RGS6: variants seen among roughly 807,000 people sequenced by gnomAD.
RGS6 encodes regulator of G-protein signaling 6.
In RGS6, 30 loss-of-function variants were observed where a neutral mutation model predicts 78.5. The ratio of observed to expected loss-of-function variants is 0.38; its 90% CI spans 0.29 to 0.52. The LOEUF (loss-of-function observed/expected upper bound fraction) is 0.52. Among genes scored for constraint, RGS6 ranks in the 20% least tolerant of loss-of-function variants. The pLI is 0.85. For missense variants in RGS6, 495 were observed against 609.7 expected (o/e 0.81, Z 1.98); for synonymous variants, 206 against 206.0 (o/e 1.00, Z 0.00).
the RGS6 span, among the ~76,000 whole-genome samples, chr14:71,875,413 T>C: frequency 6.6e-6 from 1 of 152,220 alleles, no homozygotes; most frequent in African/African-American, 2.4e-5. Context: ...TTCTTCTAGA[T>C]TTTCTAGTTT....
chr14:71,992,022 C>T (rs1276741569), intron 2 of RGS6, among the ~76,000 whole-genome samples: 1 of 141,004 alleles, frequency 7.1e-6, no homozygotes, highest in Non-Finnish European at 1.5e-5. Flanking sequence ...TCTAGAATAT[C>T]TTTTTTTTTT....
intron 3 of RGS6, among the ~76,000 whole-genome samples, chr14:72,388,906 G>T (rs936761487): frequency 6.6e-6 from 1 of 152,182 alleles, no homozygotes; most frequent in African/African-American, 2.4e-5. Context: ...ATTTGAAAGC[G>T]TGTCTGCCCC....
intron 17 of RGS6, among the ~76,000 whole-genome samples, chr14:72,558,393 C>A (rs915508539): frequency 1.3e-5 from 2 of 152,282 alleles, no homozygotes. Flanking sequence ...TGAGCCACAG[C>A]CCTCCTCCCA....
chr14:72,431,873 G>C (rs2094661336), intron 3 of RGS6, among the ~76,000 whole-genome samples: 1 of 152,022 alleles, frequency 6.6e-6, no homozygotes, highest in Non-Finnish European at 1.5e-5. Context: ...ATATCTTTTT[G>C]CCTTTTTTCC....
chr14:72,257,549 T>C (rs922037936), intron 2 of RGS6, among the ~76,000 whole-genome samples: 26 of 152,282 alleles, frequency 1.7e-4, no homozygotes, highest in African/African-American at 5.8e-4. Context: ...GGTACAATGT[T>C]CACTATTTAT....
intron 13 of RGS6, among the ~76,000 whole-genome samples, chr14:72,497,569 T>G (rs2096661759): frequency 6.6e-6 from 1 of 152,188 alleles, no homozygotes; most frequent in South Asian, 2.1e-4. Context: ...TTAAATGTTT[T>G]AATTAAAAAC....
chr14:72,147,420 G>T (rs1261961404), intron 2 of RGS6, among the ~76,000 whole-genome samples: 2 of 152,202 alleles, frequency 1.3e-5, no homozygotes, highest in African/African-American at 4.8e-5. Context: ...ATGATCCTGT[G>T]GCAGAAGGCA....
Position 72,545,906 on chromosome 14 carries a change from C to T in RGS6, c.1422+5812C>T, listed in dbSNP as rs578198871. Among the ~76,000 whole-genome samples, 7 of 137,032 alleles carry T rather than the reference C, an allele frequency of 5.1e-5. No homozygotes were observed. In the South Asian group the frequency reaches 8.9e-4, roughly 17 times the overall value. The allele number at this position is 137,032 out of a possible 152,430, so 89.9% of individuals were successfully genotyped here. On this transcript the variant is annotated intron_variant, in intron 17 of 17. Coordinates refer to ENST00000553525, the MANE Select transcript of RGS6 (RefSeq NM_001204424.2). ...TCCCCACCCTTCCGGTCTGGATGCC[C>T]AGCTGTGTGTGTGTGTGTCAGGTGG... is the stretch of plus-strand genomic sequence containing the variant.
chr14:72,203,289 T>C (rs769800901), intron 2 of RGS6, among the ~76,000 whole-genome samples: 1 of 152,228 alleles, frequency 6.6e-6, no homozygotes, highest in Non-Finnish European at 1.5e-5. Flanking sequence ...AATTCATAAA[T>C]TAATAGATGA....
intron 14 of RGS6, among the ~76,000 whole-genome samples, chr14:72,515,271 C>T (rs2096926948): frequency 6.6e-6 from 1 of 151,868 alleles, no homozygotes; most frequent in Non-Finnish European, 1.5e-5. Flanking sequence ...CCTCCCCTTC[C>T]TCTTCCTCCA....
At chr14:72,552,875 A>G (rs1269283974) in intron 17 of RGS6, 1 of 152,074 alleles carries the variant, frequency 6.6e-6, no homozygotes, top group African/African-American at 2.4e-5. Context: ...CCATTTTTAT[A>G]TATGTATTTT....
At position 72,495,160 on chromosome 14, in the gene RGS6, C is replaced by A; in HGVS notation, c.863C>A (p.Ala288Asp). Reference sequence around the variant, plus strand: ...CTGCCTCCCTCCTGCAGTTTAATTGCCTACACGGAACAATATGTGGAATAT... The same window carrying A: ...CTGCCTCCCTCCTGCAGTTTAATTGACTACACGGAACAATATGTGGAATAT... ...KMSKVAESLI[A>D]YTEQYVEYDP... The change falls in exon 13 of 18, where the codon GCC (alanine) becomes GAC (aspartate). Residue 288 changes from alanine (A) to aspartate (D), a missense_variant. Coordinates refer to ENST00000553525, the MANE Select transcript of RGS6 (RefSeq NM_001204424.2). The A allele has an allele frequency of 1.2e-6, 2 of 1,607,702 alleles. No individual in the cohort carries two copies. The highest frequency in any genetic ancestry group is 1.7e-6 in the Non-Finnish European group (2 of 1,174,242).
intron 2 of RGS6, among the ~76,000 whole-genome samples, chr14:72,150,380 G>C (rs988906862): frequency 1.9e-4 from 29 of 152,080 alleles, no homozygotes; most frequent in Non-Finnish European, 8.8e-5. Flanking sequence ...CTAAAACTCA[G>C]AGAGAATAAA....
the RGS6 span, chr14:72,612,441 TC>T: frequency 5.8e-6 from 3 of 517,188 alleles, no homozygotes; most frequent in Non-Finnish European, 1.2e-5. Flanking sequence ...TTTTTTTTTT[TC>T]TAGTACCTAA....
In RGS6 at chr14:72,185,781, A is replaced by G. The variant is rs1033672593; in HGVS notation, c.85-166314A>G. ...CAACATGGGGAGACCCCATCTCTACAAAAAATGTAAAAAGCCAGGTGTGGT... is the reference window on the plus strand; with the variant it reads ...CAACATGGGGAGACCCCATCTCTACGAAAAATGTAAAAAGCCAGGTGTGGT... On this transcript the variant is annotated intron_variant, in intron 2 of 17. Transcript: ENST00000553525. Among the ~76,000 whole-genome samples, 3 of 152,170 alleles carry G rather than the reference A, an allele frequency of 2.0e-5. No homozygotes were observed. The South Asian group carries it at 6.2e-4, about 32-fold the overall frequency.
At chr14:72,479,618 C>T (rs1164628659) in intron 12 of RGS6, among the ~76,000 whole-genome samples, 1 of 152,212 alleles carries the variant, frequency 6.6e-6, no homozygotes, top group Admixed American at 6.5e-5. Flanking sequence ...GCTCAGCTTA[C>T]ACTGAGGTAC....
At chr14:72,462,585 C>G (rs2095808914) in intron 6 of RGS6, among the ~76,000 whole-genome samples, 1 of 152,194 alleles carries the variant, frequency 6.6e-6, no homozygotes, top group Admixed American at 6.5e-5. Context: ...TCAATGGAAG[C>G]AGTAGCTGCT....
intron 2 of RGS6, among the ~76,000 whole-genome samples, chr14:72,273,484 G>A (rs889568380): frequency 3.3e-5 from 5 of 152,142 alleles, no homozygotes; most frequent in African/African-American, 4.8e-5. Context: ...AGGGGCAATC[G>A]GTGGTATATA....
At chr14:72,352,547 A>G (rs1482240751) in intron 3 of RGS6, among the ~76,000 whole-genome samples, 1 of 152,248 alleles carries the variant, frequency 6.6e-6, no homozygotes, top group African/African-American at 2.4e-5. Context: ...GTTATATTCA[A>G]ATTCTACAAA....
Sources: gnomAD v4.1 joint callset for allele counts (sites outside exome capture counted in the v4.1 genomes callset) on GRCh38, gnomAD v4.1.1 for gene constraint, MANE v1.5 for transcripts, NCBI Gene and HGNC (gene_info 2026-07-23, HGNC 2026-07-21) for gene names.